RGS6: variants seen among roughly 807,000 people sequenced by gnomAD.
RGS6 encodes the protein regulator of G protein signaling 6.
RGS6 carries 30 observed loss-of-function variants against 78.5 expected under a neutral mutation model. The ratio of observed to expected loss-of-function variants is 0.38; its 90% CI spans 0.29 to 0.52. The LOEUF is 0.52. RGS6 is among the 20% of genes least tolerant of loss of function. The pLI is 0.85. For missense variants in RGS6, 495 were observed against 609.7 expected, an observed-to-expected ratio of 0.81 and a Z score of 1.98; for synonymous variants, 206 against 206.0, an observed-to-expected ratio of 1.00 and a Z score of 0.00.
intron 2 of RGS6, among the ~76,000 whole-genome samples, chr14:72,333,151 A>G (rs530424471): frequency 4.6e-5 from 7 of 151,834 alleles, no homozygotes; most frequent in African/African-American, 1.7e-4. Flanking sequence ...CTCCTACCTC[A>G]TCTATCCCTT....
At chr14:71,915,063 C>T in the RGS6 span, among the ~76,000 whole-genome samples, 1 of 149,160 alleles carries the variant, frequency 6.7e-6, no homozygotes, top group Non-Finnish European at 1.5e-5. Context: ...GCCTGGCCAA[C>T]ATGGTGAAAC....
chr14:72,511,833 T>C (rs1185096252), intron 14 of RGS6: 2 of 152,240 alleles, frequency 1.3e-5, no homozygotes, highest in East Asian at 3.8e-4. Context: ...TATCTTATTT[T>C]GGGTTATTAT....
chr14:72,436,798 G>A (rs2094933999), intron 3 of RGS6, among the ~76,000 whole-genome samples: 4 of 152,138 alleles, frequency 2.6e-5, no homozygotes, highest in African/African-American at 4.8e-5. Flanking sequence ...AACCAGCATC[G>A]TTATTAGTGA....
chr14:72,431,947 G>A (rs752861065), intron 3 of RGS6, among the ~76,000 whole-genome samples: 4 of 152,156 alleles, frequency 2.6e-5, no homozygotes, highest in Non-Finnish European at 5.9e-5. Context: ...GTGAAGAGGG[G>A]AATTTAGGGG....
the RGS6 span, among the ~76,000 whole-genome samples, chr14:71,918,137 T>C: frequency 1.5e-3 from 182 of 124,744 alleles, no homozygotes; most frequent in Non-Finnish European, 2.5e-3. Context: ...GCCGAGATCG[T>C]GCCACTGCAC....
At chr14:72,455,290 A>T (rs571065482) in intron 4 of RGS6, among the ~76,000 whole-genome samples, 26 of 152,334 alleles carry the variant, frequency 1.7e-4, no homozygotes, top group Admixed American at 1.5e-3. Context: ...TGAAGGTCAC[A>T]TTTATAAAGA....
At chr14:72,395,138 A>T (rs1420887047) in intron 3 of RGS6, among the ~76,000 whole-genome samples, 1 of 152,208 alleles carries the variant, frequency 6.6e-6, no homozygotes, top group Non-Finnish European at 1.5e-5. Context: ...AAATAAATTT[A>T]AAGAAAAATG....
At chr14:72,089,807 A>G (rs981056168) in intron 2 of RGS6, among the ~76,000 whole-genome samples, 7 of 152,176 alleles carry the variant, frequency 4.6e-5, no homozygotes, top group African/African-American at 1.2e-4. Context: ...AGCACTTCCT[A>G]TATACCACCA....
chr14:72,009,039 G>C (rs78239342), intron 2 of RGS6, among the ~76,000 whole-genome samples: 2,422 of 152,270 alleles, frequency 0.016, 48 homozygotes, highest in East Asian at 0.091. Context: ...CTAGGCAGAG[G>C]GTGTGTAATG....
intron 3 of RGS6, among the ~76,000 whole-genome samples, chr14:72,389,924 C>T (rs1596619714): frequency 6.6e-6 from 1 of 152,000 alleles, no homozygotes; most frequent in East Asian, 1.9e-4. Context: ...GATTCAATTG[C>T]ATATTCTTAA....
chr14:72,026,989 C>T (rs2089991712), intron 2 of RGS6, among the ~76,000 whole-genome samples: 1 of 152,078 alleles, frequency 6.6e-6, no homozygotes, highest in South Asian at 2.1e-4. Context: ...AGAGTCCAGA[C>T]ATTCACAGAT....
At chr14:72,105,017 C>A (rs749847487) in intron 2 of RGS6, among the ~76,000 whole-genome samples, 21 of 152,222 alleles carry the variant, frequency 1.4e-4, no homozygotes, top group Non-Finnish European at 2.8e-4. Flanking sequence ...GGTCTCTAGT[C>A]TAGTCACTGC....
At chr14:72,443,225 A>G (rs994084366) in intron 3 of RGS6, among the ~76,000 whole-genome samples, 1 of 152,164 alleles carries the variant, frequency 6.6e-6, no homozygotes, top group Non-Finnish European at 1.5e-5. Flanking sequence ...TCAAACTCTC[A>G]CAGAACAGAG....
At chr14:72,325,853 C>A (rs947952393) in intron 2 of RGS6, among the ~76,000 whole-genome samples, 1 of 152,010 alleles carries the variant, frequency 6.6e-6, no homozygotes, top group Non-Finnish European at 1.5e-5. Flanking sequence ...AAAAAGCCTG[C>A]CAGATTTCAC....
intron 14 of RGS6, among the ~76,000 whole-genome samples, chr14:72,517,135 TAA>T (rs34414996): frequency 0.55 from 77,809 of 142,270 alleles, 22,060 homozygotes; most frequent in East Asian, 0.88. Context: ...TGTTTAACCC[TAA>T]AAAAAAAAAA....
intron 2 of RGS6, among the ~76,000 whole-genome samples, chr14:72,122,649 G>A (rs115727844): frequency 0.01 from 1,525 of 152,122 alleles, 23 homozygotes; most frequent in African/African-American, 0.034. Context: ...TTAAATAAGA[G>A]CAGGGACATC....
At chr14:72,337,285 T>TA (rs1016857414) in intron 2 of RGS6, among the ~76,000 whole-genome samples, 2 of 143,424 alleles carry the variant, frequency 1.4e-5, no homozygotes, top group African/African-American at 5.2e-5. Context: ...CCCTCCCCTG[T>TA]AAAAGCCTTT....
chr14:72,475,763 C>T (rs2096224990), intron 10 of RGS6, among the ~76,000 whole-genome samples: 1 of 151,538 alleles, frequency 6.6e-6, no homozygotes. Flanking sequence ...GATGTGTCCC[C>T]AAACATTCCT....
At chr14:72,623,500 G>T in the RGS6 span, among the ~76,000 whole-genome samples, 1 of 152,142 alleles carries the variant, frequency 6.6e-6, no homozygotes, top group Non-Finnish European at 1.5e-5. Context: ...GTGTGTGTGT[G>T]TAATGTTCAG....
Sources: allele counts gnomAD v4.1 joint callset (sites outside exome capture counted in the v4.1 genomes callset), GRCh38; gene constraint gnomAD v4.1.1; transcripts MANE v1.5; gene names NCBI Gene and HGNC (gene_info 2026-07-23, HGNC 2026-07-21).